PALLD: variants seen among roughly 807,000 people sequenced by gnomAD.
PALLD encodes the protein palladin, cytoskeletal associated protein.
Under a neutral mutation model 123.5 loss-of-function variants are expected in PALLD, and 61 were observed. The observed-to-expected ratio is 0.49, with a 90% CI of 0.40 to 0.61. The LOEUF is 0.61. PALLD is among the 20% of genes least tolerant of loss of function. PALLD has a pLI of 0.00. For synonymous variants in PALLD, 465 were observed against 496.4 expected, an observed-to-expected ratio of 0.94 and a Z score of 0.84; for missense variants, 1,273 against 1,377.0, an observed-to-expected ratio of 0.92 and a Z score of 1.20.
intron 2 of PALLD, among the ~76,000 whole-genome samples, chr4:168,551,652 AT>A (rs936094528): frequency 2.1e-3 from 310 of 151,184 alleles, no homozygotes; most frequent in South Asian, 5.4e-3. Flanking sequence ...ATGATGTTTC[AT>A]TTTTTTTTAA....
At chr4:168,599,133 G>GT (rs1230129600) in intron 2 of PALLD, among the ~76,000 whole-genome samples, 1 of 152,184 alleles carries the variant, frequency 6.6e-6, no homozygotes, top group Non-Finnish European at 1.5e-5. Flanking sequence ...CAAGTAAGGG[G>GT]TGTAACAGTG....
chr4:168,891,271 T>G (rs1436491140), intron 11 of PALLD, among the ~76,000 whole-genome samples: 1 of 152,208 alleles, frequency 6.6e-6, no homozygotes, highest in Admixed American at 6.5e-5. Flanking sequence ...CAAACAATCC[T>G]GTGACCTCAA....
At chr4:168,908,533 T>C (rs977594651) in intron 15 of PALLD, among the ~76,000 whole-genome samples, 1 of 152,242 alleles carries the variant, frequency 6.6e-6, no homozygotes, top group Non-Finnish European at 1.5e-5. Context: ...TTTCAAGATA[T>C]AGTAATCCCA....
intron 10 of PALLD, among the ~76,000 whole-genome samples, chr4:168,830,162 G>T (rs1237426697): frequency 4.0e-5 from 6 of 151,212 alleles, no homozygotes; most frequent in African/African-American, 1.2e-4. Context: ...AACCCAGGAG[G>T]TGGAGGTTGC....
chr4:168,631,659 C>T (rs1029486632), intron 2 of PALLD: 33 of 985,510 alleles, frequency 3.3e-5, no homozygotes, highest in Admixed American at 1.8e-4. Flanking sequence ...GAGCCTGAGT[C>T]GTGGCCGCTG....
At chr4:168,689,077 A>G (rs1298187697) in intron 6 of PALLD, among the ~76,000 whole-genome samples, 1 of 152,232 alleles carries the variant, frequency 6.6e-6, no homozygotes, top group Non-Finnish European at 1.5e-5. Context: ...GCAATCAGAA[A>G]TAGTTGATCA....
intron 10 of PALLD, among the ~76,000 whole-genome samples, chr4:168,718,122 C>T (rs1408904575): frequency 6.6e-6 from 1 of 152,236 alleles, no homozygotes; most frequent in Non-Finnish European, 1.5e-5. Flanking sequence ...ACTGCAGCTT[C>T]AACTCCAACG....
chr4:168,694,847 A>T (rs1175220197), intron 8 of PALLD, among the ~76,000 whole-genome samples: 1 of 152,226 alleles, frequency 6.6e-6, no homozygotes, highest in Non-Finnish European at 1.5e-5. Context: ...AGCTTACTTA[A>T]GACCAACATC....
chr4:168,629,323 G>A (rs1422848482), intron 2 of PALLD, among the ~76,000 whole-genome samples: 1 of 152,168 alleles, frequency 6.6e-6, no homozygotes, highest in East Asian at 1.9e-4. Flanking sequence ...CCTGCCTATA[G>A]TATTTTTAAG....
intron 1 of PALLD, among the ~76,000 whole-genome samples, chr4:168,505,924 T>C (rs1439938383): frequency 6.6e-6 from 1 of 152,198 alleles, no homozygotes; most frequent in Non-Finnish European, 1.5e-5. Flanking sequence ...ATAGTCTCTG[T>C]TGCAACTACT....
chr4:168,512,268 G>T lies in PALLD; in HGVS notation c.764G>T (p.Arg255Leu), dbSNP rs146018183. 4 of 1,613,928 alleles carry T rather than the reference G, an allele frequency of 2.5e-6. No individual in the cohort carries two copies. The highest frequency in any genetic ancestry group is 1.6e-4 in the Middle Eastern group (1 of 6,084). ...DNQDLAVPHN[R>L]KSHPQPHSAL... Reference sequence around the variant, plus strand: ...CAGGACTTGGCAGTGCCACACAACCGCAAGTCTCACCCACAGCCCCACAGC... The same window carrying T: ...CAGGACTTGGCAGTGCCACACAACCTCAAGTCTCACCCACAGCCCCACAGC... Residue 255 changes from arginine to leucine, a missense_variant, in exon 2 of 22, where the codon CGC (arginine) becomes CTC (leucine). Coordinates refer to ENST00000505667, the MANE Select transcript of PALLD (RefSeq NM_001166108.2).
chr4:168,674,061 C>T (rs995228600), intron 3 of PALLD, among the ~76,000 whole-genome samples: 1 of 151,996 alleles, frequency 6.6e-6, no homozygotes, highest in Non-Finnish European at 1.5e-5. Context: ...ACTACAGTCA[C>T]GAGCCACCAT....
intron 10 of PALLD, among the ~76,000 whole-genome samples, chr4:168,854,375 C>T (rs910763134): frequency 3.3e-5 from 5 of 152,200 alleles, no homozygotes; most frequent in Non-Finnish European, 7.4e-5. Flanking sequence ...AATTCTAGCT[C>T]TTGCATAAAT....
At chr4:168,586,267 C>T (rs1770814245) in intron 2 of PALLD, among the ~76,000 whole-genome samples, 2 of 151,840 alleles carry the variant, frequency 1.3e-5, no homozygotes, top group Non-Finnish European at 2.9e-5. Context: ...TCCAGTATTC[C>T]CAAACTCCTG....
At chr4:168,554,734 C>T (rs934242175) in intron 2 of PALLD, among the ~76,000 whole-genome samples, 7 of 152,042 alleles carry the variant, frequency 4.6e-5, no homozygotes, top group South Asian at 2.1e-4. Context: ...ATATATCTTT[C>T]GTTTAATAAT....
chr4:168,850,523 C>CTTTTTTTTTTTTTTTTT (rs767777801), intron 10 of PALLD, among the ~76,000 whole-genome samples: 1 of 34,692 alleles, frequency 2.9e-5, no homozygotes, highest in Non-Finnish European at 4.7e-5. Context: ...TCTGTCATTT[C>CTTTTTTTTTTTTTTTTT]TTTTTTTTTT....
chr4:168,904,187 A>T (rs1338776473), intron 15 of PALLD: 1 of 415,814 alleles, frequency 2.4e-6, no homozygotes, highest in East Asian at 4.7e-5. Flanking sequence ...GCAGTGGTAG[A>T]CTGGACAAAG....
At chr4:168,539,544 C>T (rs535363006) in intron 2 of PALLD, among the ~76,000 whole-genome samples, 8 of 151,342 alleles carry the variant, frequency 5.3e-5, no homozygotes, top group South Asian at 2.1e-4. Context: ...GCCGAGATGG[C>T]GCCACTGACT....
At chr4:168,738,353 G>C (rs11132444) in intron 10 of PALLD, among the ~76,000 whole-genome samples, 51,295 of 151,998 alleles carry the variant, frequency 0.34, 9,128 homozygotes, top group Middle Eastern at 0.4. Flanking sequence ...AGACTTGTAT[G>C]TAGCAAGCGT....
Sources: gnomAD v4.1 joint callset for allele counts (sites outside exome capture counted in the v4.1 genomes callset) on GRCh38, gnomAD v4.1.1 for gene constraint, MANE v1.5 for transcripts, NCBI Gene and HGNC (gene_info 2026-07-23, HGNC 2026-07-21) for gene names.